The following ROPN1 variants were observed in gnomAD, a reference collection of about 807,000 sequenced individuals.
ROPN1 encodes ropporin-1A.
ROPN1 carries 14 observed loss-of-function variants against 20.5 expected under a neutral mutation model. The observed-to-expected ratio is 0.68, with a 90% CI of 0.45 to 1.07. The LOEUF is 1.07. Ranked by LOEUF, ROPN1 falls within the 50% of genes least tolerant of loss-of-function variation. The probability of loss-of-function intolerance (pLI) is 0.00; values close to 1 mark genes in which losing one functional copy is unlikely to be tolerated. For synonymous variants in ROPN1, 76 were observed against 95.7 expected, an observed-to-expected ratio of 0.79 and a Z score of 1.20; for missense variants, 169 against 242.8, an observed-to-expected ratio of 0.70 and a Z score of 2.02.
chr3:123,980,273 T>C (rs535601892), intron 2 of ROPN1, 93 bp downstream of exon 2: 3 of 1,167,982 alleles, frequency 2.6e-6, no homozygotes, highest in Non-Finnish European at 3.8e-6. Context: ...AGTCCGGACT[T>C]CCTAGCTGCA....
intron 1 of ROPN1, among the ~76,000 whole-genome samples, chr3:123,985,454 TCATCAC>T (rs1181443829): frequency 6.6e-6 from 1 of 152,228 alleles, no homozygotes. Context: ...TTTTTCTTCA[TCATCAC>T]CATCACCATC....
chr3:123,983,256 G>A (rs1351851888), intron 1 of ROPN1, among the ~76,000 whole-genome samples: 1 of 152,062 alleles, frequency 6.6e-6, no homozygotes, highest in Non-Finnish European at 1.5e-5. Context: ...TCAAGTCCTT[G>A]CTTTAAATTG....
At position 123,991,376 on chromosome 3, in the gene ROPN1, G is replaced by A. The variant is rs1369587773; in HGVS notation, c.-13+546C>T. On this transcript the variant is annotated intron_variant, in intron 1 of 5. Coordinates refer to ENST00000405845, the MANE Select transcript of ROPN1 (RefSeq NM_001317774.2). The stretch of plus-strand genomic sequence containing the variant: ...TAGCTATAAAATGAACACGTGATAG[G>A]AGTCTATGAAGTGCTAGGTATAAAA... 6.1e-5 allele frequency: 5 copies of A among 81,678 alleles called. No individual in the cohort carries two copies. In the Admixed American group the frequency reaches 7.8e-4, roughly 13 times the overall value. The allele number at this position is 81,678 out of a possible 1,614,324, so 5.1% of individuals were successfully genotyped here.
intron 1 of ROPN1, among the ~76,000 whole-genome samples, chr3:123,984,358 C>T (rs1440865666): frequency 6.6e-6 from 1 of 152,222 alleles, no homozygotes; most frequent in Admixed American, 6.5e-5. Flanking sequence ...TACCACTAAT[C>T]TCTCAGTCCT....
chr3:123,980,255 T>C (rs755960384), intron 2 of ROPN1, 111 bp downstream of exon 2: 4 of 910,268 alleles, frequency 4.4e-6, no homozygotes, highest in Non-Finnish European at 7.1e-6. Context: ...ACAAAGACGA[T>C]GCCAGTTAGT....
chr3:123,985,497 C>T (rs919229389), intron 1 of ROPN1, among the ~76,000 whole-genome samples: 5 of 152,128 alleles, frequency 3.3e-5, no homozygotes, highest in African/African-American at 1.2e-4. Flanking sequence ...CCTAAGAAAA[C>T]AGTAGATTTT....
chr3:123,985,172 C>T (rs1577374315), intron 1 of ROPN1, among the ~76,000 whole-genome samples: 1 of 152,318 alleles, frequency 6.6e-6, no homozygotes, highest in South Asian at 2.1e-4. Context: ...TTGGCACAGT[C>T]AGTAAACTTC....
chr3:123,973,173 G>A (rs563341015), intron 4 of ROPN1, among the ~76,000 whole-genome samples: 7 of 152,182 alleles, frequency 4.6e-5, no homozygotes, highest in East Asian at 3.9e-4. Context: ...CATTCACACC[G>A]TACCACTGGC....
chr3:123,985,992 C>CAAAAAAAAAAAAAAAAA (rs35677015), intron 1 of ROPN1, among the ~76,000 whole-genome samples: 1 of 22,138 alleles, frequency 4.5e-5, no homozygotes, highest in African/African-American at 9.1e-5. Flanking sequence ...GACCTTGTCT[C>CAAAAAAAAAAAAAAAAA]AAAAAAAAAA....
At chr3:123,988,551 T>C (rs1249110555) in intron 1 of ROPN1, among the ~76,000 whole-genome samples, 2 of 152,172 alleles carry the variant, frequency 1.3e-5, no homozygotes, top group Admixed American at 1.3e-4. Context: ...ATATTCAGCA[T>C]TGCACTGGCC....
At chr3:123,970,480 TTAAGA>T (rs2037894153) in intron 4 of ROPN1, among the ~76,000 whole-genome samples, 1 of 152,168 alleles carries the variant, frequency 6.6e-6, no homozygotes, top group Non-Finnish European at 1.5e-5. Flanking sequence ...CCTAAGTACT[TTAAGA>T]TATTTGTTAC....
intron 1 of ROPN1, among the ~76,000 whole-genome samples, chr3:123,985,908 A>C (rs2038240437): frequency 7.0e-6 from 1 of 142,438 alleles, no homozygotes; most frequent in Admixed American, 7.4e-5. Flanking sequence ...GCTACTCAGG[A>C]GGCTGAGTTG....
rs150135905 is a variant in ROPN1 at position 123,980,458 on chromosome 3, T to C, written c.24A>G (p.Thr8=). The change falls in exon 2 of 6, where the codon ACA becomes ACG. Residue 8 remains threonine (T), a synonymous_variant. Coordinates refer to ENST00000405845, the MANE Select transcript of ROPN1 (RefSeq NM_001317774.2). The stretch of plus-strand genomic sequence containing the variant: ...TCTTCGGCAGCTCCGGCGGGATGCA[T>C]GTTGGCTTATCTGTCTGAGCCATTG... MAQTDKP[T]CIPPELPKML... 2 of 1,614,052 alleles carry C rather than the reference T, an allele frequency of 1.2e-6. No individual in the cohort carries two copies. The highest frequency in any genetic ancestry group is 2.7e-5 in the African/African-American group (2 of 74,912).
At chr3:123,978,595 C>T (rs1428444751) in intron 2 of ROPN1, 1 of 153,760 alleles carries the variant, frequency 6.5e-6, no homozygotes, top group Admixed American at 6.5e-5. Flanking sequence ...AGTATATGTC[C>T]TGCCGATGCC....
chr3:123,981,953 G>A lies in ROPN1; in HGVS notation c.-12-1460C>T, dbSNP rs2038157687. ...CAGTCAAAAAGAAGGCAAGAAAGGA[G>A]GGGTAAAAACAGGAAAAGTAGACAA... On this transcript the variant is annotated intron_variant, in intron 1 of 5. Coordinates refer to ENST00000405845, the MANE Select transcript of ROPN1 (RefSeq NM_001317774.2). Among the ~76,000 whole-genome samples the A allele has an allele frequency of 2.0e-5, 3 of 152,178 alleles. No individual in the cohort carries two copies. The South Asian group carries it at 6.2e-4, about 32-fold the overall frequency.
At chr3:123,990,945 G>C (rs913143768) in intron 1 of ROPN1, among the ~76,000 whole-genome samples, 1 of 152,190 alleles carries the variant, frequency 6.6e-6, no homozygotes, top group African/African-American at 2.4e-5. Context: ...TGAATGAAAG[G>C]CTCCAGGGCA....
At chr3:123,981,123 A>G (rs2038138580) in intron 1 of ROPN1, among the ~76,000 whole-genome samples, 1 of 152,250 alleles carries the variant, frequency 6.6e-6, no homozygotes, top group African/African-American at 2.4e-5. Context: ...GAAAATCCAT[A>G]AAGTGTATAC....
chr3:123,971,914 G>T (rs1184837088), intron 4 of ROPN1, among the ~76,000 whole-genome samples: 1 of 152,178 alleles, frequency 6.6e-6, no homozygotes, highest in Non-Finnish European at 1.5e-5. Flanking sequence ...CCGTTAAAAA[G>T]ATAAGTTAAA....
At chr3:123,971,671 A>G (rs1389839280) in intron 4 of ROPN1, among the ~76,000 whole-genome samples, 1 of 152,054 alleles carries the variant, frequency 6.6e-6, no homozygotes, top group Non-Finnish European at 1.5e-5. Flanking sequence ...CAGTGGGAGA[A>G]TGGTTTGGGG....
Sources: gnomAD v4.1 joint callset for allele counts (sites outside exome capture counted in the v4.1 genomes callset) on GRCh38, gnomAD v4.1.1 for gene constraint, MANE v1.5 for transcripts, NCBI Gene and HGNC (gene_info 2026-07-23, HGNC 2026-07-21) for gene names.